The following OLFM3 variants were observed in gnomAD, a reference collection of about 807,000 sequenced individuals.
OLFM3 encodes noelin-3.
In OLFM3, 20 loss-of-function variants were observed where a neutral mutation model predicts 48.6. The ratio of observed to expected loss-of-function variants is 0.41; its 90% CI spans 0.29 to 0.60. OLFM3 has a LOEUF of 0.60. Ranked by LOEUF, OLFM3 falls within the 20% of genes least tolerant of loss-of-function variation. The probability of loss-of-function intolerance (pLI) is 0.28; values close to 1 mark genes in which losing one functional copy is unlikely to be tolerated. For missense variants in OLFM3, 437 were observed against 544.3 expected (o/e 0.80, Z 1.96); for synonymous variants, 222 against 198.1 (o/e 1.12, Z -1.01).
chr1:101,976,116 G>A (rs12408456), intron 1 of OLFM3, among the ~76,000 whole-genome samples: 31,086 of 152,090 alleles, frequency 0.2, 4,058 homozygotes, highest in Middle Eastern at 0.32. Flanking sequence ...ACTCCAAAAC[G>A]ATACAGTCAA....
intron 4 of OLFM3, among the ~76,000 whole-genome samples, chr1:101,812,178 C>T (rs145107514): frequency 0.018 from 2,676 of 151,476 alleles, 38 homozygotes; most frequent in Non-Finnish European, 0.025. Flanking sequence ...CACACCGGGG[C>T]CTTTCATGGG....
intron 1 of OLFM3, among the ~76,000 whole-genome samples, chr1:101,966,317 TTG>T (rs60173488): frequency 2.0e-3 from 255 of 128,152 alleles, no homozygotes; most frequent in African/African-American, 7.0e-3. Flanking sequence ...CCTGGCTAAT[TTG>T]TGTGTGTGTG....
intron 1 of OLFM3, among the ~76,000 whole-genome samples, chr1:101,929,494 A>G (rs1052356652): frequency 6.6e-6 from 1 of 152,014 alleles, no homozygotes; most frequent in African/African-American, 2.4e-5. Flanking sequence ...GCAGATCCTC[A>G]TCTATCTCTA....
chr1:101,919,495 T>A (rs1183615934), intron 1 of OLFM3, among the ~76,000 whole-genome samples: 1 of 152,174 alleles, frequency 6.6e-6, no homozygotes, highest in African/African-American at 2.4e-5. Context: ...TCAAAGCAGA[T>A]GATTATTCTC....
Position 101,858,229 on chromosome 1 carries a change from A to G in OLFM3, c.70-21204T>C, listed in dbSNP as rs1656508722. 3.3e-5 allele frequency among the ~76,000 whole-genome samples: 5 copies of G among 152,250 alleles called. No homozygotes were observed. The South Asian group carries it at 1.0e-3, about 32-fold the overall frequency. Reference sequence around the variant, plus strand: ...TACTAATATCTATTAAAGTATCCATATAAGTGAGTTAATATTTTTCTACCA... The same window carrying G: ...TACTAATATCTATTAAAGTATCCATGTAAGTGAGTTAATATTTTTCTACCA... On this transcript the variant is annotated intron_variant, in intron 1 of 5. Transcript: ENST00000370103.
At chr1:101,949,846 C>T (rs958317395) in intron 1 of OLFM3, among the ~76,000 whole-genome samples, 21 of 150,230 alleles carry the variant, frequency 1.4e-4, no homozygotes, top group African/African-American at 4.7e-4. Context: ...ACGAGAATGG[C>T]GTAAACCCGG....
intron 1 of OLFM3, among the ~76,000 whole-genome samples, chr1:101,947,230 C>CA (rs1218674308): frequency 1.3e-5 from 2 of 152,014 alleles, no homozygotes; most frequent in Admixed American, 6.6e-5. Flanking sequence ...TGGTTTGTTG[C>CA]AAAAATATAA....
chr1:101,996,770 A>C lies in OLFM3; in HGVS notation c.47T>G (p.Phe16Cys). The change falls in exon 1 of 6, where the codon TTT (phenylalanine) becomes TGT (cysteine). Residue 16 changes from phenylalanine to cysteine, a missense_variant. Transcript: ENST00000370103. The stretch of plus-strand genomic sequence containing the variant: ...TACCTTGGAAGGATCTAATCCGGCA[A>C]ACAAAGACAGCAGCAGGAGGTTGAG... ...NLLNLLLLSL[F>C]AGLDPSKTQI... 7 of 1,614,260 alleles carry C rather than the reference A, an allele frequency of 4.3e-6. No individual in the cohort carries two copies. The South Asian group carries it at 7.7e-5, about 18-fold the overall frequency.
At chr1:101,984,339 T>G (rs1291089552) in intron 1 of OLFM3, among the ~76,000 whole-genome samples, 1 of 152,166 alleles carries the variant, frequency 6.6e-6, no homozygotes, top group African/African-American at 2.4e-5. Flanking sequence ...TTTTTTATAT[T>G]ATAAATGTCA....
intron 1 of OLFM3, among the ~76,000 whole-genome samples, chr1:101,949,443 G>C (rs918973297): frequency 6.6e-6 from 1 of 152,166 alleles, no homozygotes; most frequent in Non-Finnish European, 1.5e-5. Context: ...CGGTAGGTCA[G>C]CAAATGATAT....
At chr1:101,892,336 C>T (rs1222476270) in intron 1 of OLFM3, among the ~76,000 whole-genome samples, 1 of 151,940 alleles carries the variant, frequency 6.6e-6, no homozygotes, top group Non-Finnish European at 1.5e-5. Context: ...TAAGAGACCC[C>T]AGCAGACAGC....
intron 4 of OLFM3, among the ~76,000 whole-genome samples, chr1:101,822,979 A>T (rs1385637517): frequency 6.6e-6 from 1 of 152,036 alleles, no homozygotes; most frequent in African/African-American, 2.4e-5. Context: ...GTGGCTAAAA[A>T]GATGCATTTC....
chr1:101,956,892 A>G (rs571592796), intron 1 of OLFM3, among the ~76,000 whole-genome samples: 1 of 152,050 alleles, frequency 6.6e-6, no homozygotes, highest in South Asian at 2.1e-4. Flanking sequence ...ATGACATGAT[A>G]TAATAACTAA....
intron 1 of OLFM3, among the ~76,000 whole-genome samples, chr1:101,973,803 T>C (rs1383706754): frequency 6.6e-6 from 1 of 152,184 alleles, no homozygotes; most frequent in African/African-American, 2.4e-5. Context: ...GAAAGAGAGA[T>C]GAGGTCACAG....
rs1321859976 is a variant in OLFM3, at chr1:101,985,581, T to C, written c.69+11167A>G. On this transcript the variant is annotated intron_variant, in intron 1 of 5. Transcript: ENST00000370103. ...AGATAACCATCCATCAGCTCTGTTA[T>C]AGATTTGAAATAGAGGTTCTCTCTA... is the stretch of plus-strand genomic sequence containing the variant. 2.0e-5 allele frequency among the ~76,000 whole-genome samples: 3 copies of C among 152,342 alleles called. No homozygotes were observed. The South Asian group carries it at 6.2e-4, about 32-fold the overall frequency.
intron 1 of OLFM3, among the ~76,000 whole-genome samples, chr1:101,874,456 C>T (rs1194572129): frequency 6.6e-6 from 1 of 151,038 alleles, no homozygotes; most frequent in Admixed American, 6.6e-5. Flanking sequence ...AATTTCTTTT[C>T]TGTATCTTTA....
At chr1:101,969,329 T>TTTG (rs1553184231) in intron 1 of OLFM3, among the ~76,000 whole-genome samples, 2 of 149,402 alleles carry the variant, frequency 1.3e-5, no homozygotes, top group African/African-American at 4.9e-5. Flanking sequence ...TTTTTTTTTT[T>TTTG]GGTATTTTTG....
chr1:101,964,706 T>C (rs1056645947), intron 1 of OLFM3, among the ~76,000 whole-genome samples: 9 of 152,218 alleles, frequency 5.9e-5, no homozygotes, highest in Non-Finnish European at 1.2e-4. Flanking sequence ...CTTCACTCCT[T>C]GCAAGTAGAT....
At chr1:101,888,666 A>G (rs1427442508) in intron 1 of OLFM3, among the ~76,000 whole-genome samples, 1 of 152,210 alleles carries the variant, frequency 6.6e-6, no homozygotes, top group African/African-American at 2.4e-5. Flanking sequence ...TAATTAAACT[A>G]AAGAGCTTCT....
Sources: allele counts gnomAD v4.1 joint callset (sites outside exome capture counted in the v4.1 genomes callset), GRCh38; gene constraint gnomAD v4.1.1; transcripts MANE v1.5; gene names NCBI Gene and HGNC (gene_info 2026-07-23, HGNC 2026-07-21).